The following ZNF385B variants were observed in gnomAD, a reference collection of about 807,000 sequenced individuals.
The protein encoded by ZNF385B is zinc finger protein 385B.
In ZNF385B, 23 loss-of-function variants were observed where a neutral mutation model predicts 39.2. The observed-to-expected ratio is 0.59, with a 90% CI of 0.42 to 0.83. The LOEUF is 0.83. Ranked by LOEUF, ZNF385B falls within the 40% of genes least tolerant of loss-of-function variation. The pLI, the probability that ZNF385B is intolerant of heterozygous loss-of-function variation, is 0.00. For synonymous variants in ZNF385B, 205 were observed against 222.6 expected (o/e 0.92, Z 0.70); for missense variants, 552 against 598.9 (o/e 0.92, Z 0.82).
intron 5 of ZNF385B, among the ~76,000 whole-genome samples, chr2:179,495,981 CTT>C (rs1176029187): frequency 3.9e-5 from 6 of 152,168 alleles, no homozygotes; most frequent in Non-Finnish European, 7.3e-5. Flanking sequence ...GAAAACATGA[CTT>C]CACCAAATGA....
In ZNF385B at chr2:179,706,438, T is replaced by C. The variant is rs78228771; in HGVS notation, c.298+63065A>G. On this transcript the variant is annotated intron_variant, in intron 3 of 9. Coordinates refer to ENST00000410066, the MANE Select transcript of ZNF385B (RefSeq NM_152520.6). ...TAGGGGTTTGGCATAACAATTGACA[T>C]GACAACTAGGGCATCAAAGAAAATC... Among the ~76,000 whole-genome samples, 5 of 152,192 alleles carry C rather than the reference T, an allele frequency of 3.3e-5. No individual in the cohort carries two copies. The East Asian group carries it at 9.7e-4, about 29-fold the overall frequency.
chr2:179,524,278 C>A (rs1483899128), intron 4 of ZNF385B, among the ~76,000 whole-genome samples: 1 of 151,920 alleles, frequency 6.6e-6, no homozygotes, highest in African/African-American at 2.4e-5. Flanking sequence ...GTCGGCCGGG[C>A]ACGGTGGCTG....
At chr2:179,516,943 G>T (rs945613669) in intron 5 of ZNF385B, among the ~76,000 whole-genome samples, 1 of 151,802 alleles carries the variant, frequency 6.6e-6, no homozygotes, top group Admixed American at 6.6e-5. Flanking sequence ...TAGTCAAGGC[G>T]TTTTTTGAAT....
At chr2:179,759,053 A>G (rs1376780039) in intron 3 of ZNF385B, among the ~76,000 whole-genome samples, 1 of 152,146 alleles carries the variant, frequency 6.6e-6, no homozygotes, top group Non-Finnish European at 1.5e-5. Context: ...TGAGATTTTG[A>G]GCATTCTCTT....
At chr2:179,703,602 G>A (rs910014928) in intron 3 of ZNF385B, among the ~76,000 whole-genome samples, 1 of 152,164 alleles carries the variant, frequency 6.6e-6, no homozygotes, top group African/African-American at 2.4e-5. Flanking sequence ...ATGAACTAAA[G>A]AATGAGCAAA....
intron 6 of ZNF385B, among the ~76,000 whole-genome samples, chr2:179,466,943 A>AAAG (rs1559276782): frequency 2.7e-5 from 4 of 145,920 alleles, no homozygotes; most frequent in African/African-American, 5.0e-5. Context: ...AAAAAAAAAA[A>AAAG]AGAGAGAGAG....
intron 6 of ZNF385B, among the ~76,000 whole-genome samples, chr2:179,477,657 A>G (rs1431986343): frequency 6.6e-6 from 1 of 152,196 alleles, no homozygotes; most frequent in African/African-American, 2.4e-5. Flanking sequence ...GCCCTGTCTC[A>G]GTGTTAGCCT....
At chr2:179,505,680 C>A (rs888826191) in intron 5 of ZNF385B, among the ~76,000 whole-genome samples, 7 of 152,072 alleles carry the variant, frequency 4.6e-5, no homozygotes, top group African/African-American at 1.5e-4. Context: ...GCACTACGTA[C>A]CTCCTGTGCT....
chr2:179,755,914 A>G (rs1702985075), intron 3 of ZNF385B, among the ~76,000 whole-genome samples: 1 of 152,116 alleles, frequency 6.6e-6, no homozygotes, highest in African/African-American at 2.4e-5. Flanking sequence ...TTTTAATTGG[A>G]GCATTTAGCC....
intron 4 of ZNF385B, among the ~76,000 whole-genome samples, chr2:179,528,112 G>A (rs868708135): frequency 6.6e-6 from 1 of 152,120 alleles, no homozygotes; most frequent in Non-Finnish European, 1.5e-5. Context: ...CCATGATTTA[G>A]AGAAGTTGAT....
chr2:179,832,544 T>C (rs1189219306), intron 1 of ZNF385B, among the ~76,000 whole-genome samples: 1 of 152,236 alleles, frequency 6.6e-6, no homozygotes, highest in African/African-American at 2.4e-5. Flanking sequence ...ATTCTAGGCA[T>C]CTTGCCTTAG....
intron 3 of ZNF385B, among the ~76,000 whole-genome samples, chr2:179,672,352 C>T (rs1044076945): frequency 6.6e-6 from 1 of 152,188 alleles, no homozygotes; most frequent in Non-Finnish European, 1.5e-5. Context: ...ATAAATCATA[C>T]CTTAAGTCTC....
At chr2:179,689,783 ATGTGTGTGTGTGTGTGTGTGTGTG>A (rs112957152) in intron 3 of ZNF385B, among the ~76,000 whole-genome samples, 1 of 130,014 alleles carries the variant, frequency 7.7e-6, no homozygotes, top group Admixed American at 7.8e-5. Flanking sequence ...GGGCAGGGGC[ATGTGTGTGTGTGTGTGTGTGTGTG>A]TGTGTGTGTG....
chr2:179,453,716 C>T lies in ZNF385B; in HGVS notation c.716-6946G>A, dbSNP rs116819973. Among the ~76,000 whole-genome samples the T allele has an allele frequency of 6.6e-3, 998 of 152,190 alleles. 9 individuals are homozygous for T. Among genetic ancestry groups the T allele is most frequent in the African/African-American group, 0.022 (934 of 41,546 alleles). On this transcript the variant is annotated intron_variant, in intron 6 of 9. Coordinates refer to ENST00000410066, the MANE Select transcript of ZNF385B (RefSeq NM_152520.6). Reference sequence around the variant, plus strand: ...GCCAACAGGATGATTTGAAAGGTGGCCTGGCTCAAATCATGTTGTTAGTGC... The same window carrying T: ...GCCAACAGGATGATTTGAAAGGTGGTCTGGCTCAAATCATGTTGTTAGTGC...
At chr2:179,485,647 C>T (rs1292122495) in intron 5 of ZNF385B, among the ~76,000 whole-genome samples, 3 of 152,116 alleles carry the variant, frequency 2.0e-5, no homozygotes, top group African/African-American at 7.2e-5. Flanking sequence ...AAGGGTCATG[C>T]AGTGAGTTAA....
intron 3 of ZNF385B, among the ~76,000 whole-genome samples, chr2:179,705,442 G>T (rs1699519396): frequency 6.6e-6 from 1 of 152,162 alleles, no homozygotes; most frequent in African/African-American, 2.4e-5. Context: ...AAAACCATCA[G>T]TATCCTACAT....
At chr2:179,710,553 C>T (rs1161623463) in intron 3 of ZNF385B, among the ~76,000 whole-genome samples, 1 of 152,192 alleles carries the variant, frequency 6.6e-6, no homozygotes, top group East Asian at 1.9e-4. Context: ...CTTCCATTGT[C>T]TTATTCTGTC....
At chr2:179,830,090 G>T (rs959716073) in intron 1 of ZNF385B, among the ~76,000 whole-genome samples, 1 of 152,268 alleles carries the variant, frequency 6.6e-6, no homozygotes, top group East Asian at 1.9e-4. Context: ...AAGATATGCA[G>T]ATGATAGGCA....
rs867776974 is a variant in ZNF385B, at chr2:179,601,733, A to T, written c.299-56764T>A. ...ATTAATTGCAATGTACTCATTACAA[A>T]TATTCTTTGAGGTCAATAACTATAA... On this transcript the variant is annotated intron_variant, in intron 3 of 9. Transcript: ENST00000410066. 2.0e-5 allele frequency among the ~76,000 whole-genome samples: 3 copies of T among 152,196 alleles called. No individual in the cohort carries two copies. The South Asian group carries it at 6.2e-4, about 31-fold the overall frequency.
Sources: gnomAD v4.1 joint callset for allele counts (sites outside exome capture counted in the v4.1 genomes callset) on GRCh38, gnomAD v4.1.1 for gene constraint, MANE v1.5 for transcripts, NCBI Gene and HGNC (gene_info 2026-07-23, HGNC 2026-07-21) for gene names.